LAMA5: variants seen among roughly 807,000 people sequenced by gnomAD.
The protein encoded by LAMA5 is laminin subunit alpha-5.
LAMA5 carries 260 observed loss-of-function variants against 433.4 expected under a neutral mutation model. The observed-to-expected ratio is 0.60, with a 90% CI of 0.54 to 0.66. The LOEUF (loss-of-function observed/expected upper bound fraction) is 0.66. Among genes scored for constraint, LAMA5 ranks in the 30% least tolerant of loss-of-function variants. The pLI, the probability that LAMA5 is intolerant of heterozygous loss-of-function variation, is 0.00. For missense variants in LAMA5, 5,378 were observed against 5,258.5 expected (o/e 1.02, Z -0.70); for synonymous variants, 2,620 against 2,226.6 (o/e 1.18, Z -4.97).
chr20:62,353,915 T>A (rs1984758043), intron 2 of LAMA5, among the ~76,000 whole-genome samples: 1 of 152,010 alleles, frequency 6.6e-6, no homozygotes, highest in Non-Finnish European at 1.5e-5. Flanking sequence ...CTGGGGGCCC[T>A]CTTGAAGCTG....
chr20:62,320,579 C>T lies in LAMA5; in HGVS notation c.6739G>A (p.Ala2247Thr), dbSNP rs749074775. The T allele has an allele frequency of 2.1e-5, 33 of 1,600,132 alleles. No individual in the cohort carries two copies. The East Asian group carries it at 5.4e-4, about 26-fold the overall frequency. ...EQQSTSLGQDARRLGGQAVGT... is the reference protein window; with the variant it reads ...EQQSTSLGQDTRRLGGQAVGT... Reference sequence around the variant, plus strand: ...CCTGCCTGGCCGCCTAGCCGCCGTGCGTCCTGCCCGAGGCTTGTGCTCTGC... The same window carrying T: ...CCTGCCTGGCCGCCTAGCCGCCGTGTGTCCTGCCCGAGGCTTGTGCTCTGC... The change falls in exon 50 of 80, where the codon GCA (alanine) becomes ACA (threonine). Residue 2247 changes from alanine (A) to threonine (T), a missense_variant. Physicochemically the swap from Ala to Thr is moderately conservative, Grantham distance 58. Transcript: ENST00000252999.
intron 20 of LAMA5, 137 bp from the exon 21 acceptor site, chr20:62,334,758 CGAGGGCGAGGGCGAGGG>C: frequency 2.9e-5 from 15 of 519,436 alleles, no homozygotes; most frequent in Non-Finnish European, 4.5e-5. Context: ...GGGCTCAGGG[CGAGGGCGAGGGCGAGGG>C]TGAGGGCGCT....
chr20:62,338,450 CGGGG>C lies in LAMA5; in HGVS notation c.1618+14_1618+17del. 1 of 1,606,710 alleles carries C rather than the reference CGGGG, an allele frequency of 6.2e-7. No individual in the cohort carries two copies. Among genetic ancestry groups the C allele is most frequent in the South Asian group, 1.1e-5 (1 of 89,900 alleles). On this transcript the variant is annotated intron_variant, in intron 12 of 79. Coordinates refer to ENST00000252999, the MANE Select transcript of LAMA5 (RefSeq NM_005560.6). ...ACCTCGAGCGCAGGTAGAGGTTGAG[CGGGG>C]AGAGGGGACTCACGCTGGCAGCCGG...
At chr20:62,328,671 C>G (rs182496314) in intron 34 of LAMA5, among the ~76,000 whole-genome samples, 173 bp downstream of exon 34, 1 of 152,340 alleles carries the variant, frequency 6.6e-6, no homozygotes, top group Non-Finnish European at 1.5e-5. Flanking sequence ...TCCCTGAAAC[C>G]TTCTGCATGG....
rs1480693643 is a variant in LAMA5 at position 62,310,202 on chromosome 20, C to T, written c.10710G>A (p.Leu3570=). 6.2e-7 allele frequency: 1 copy of T among 1,612,582 alleles called. No homozygotes were observed. Among genetic ancestry groups the T allele is most frequent in the Non-Finnish European group, 8.5e-7 (1 of 1,179,948 alleles). ...CTTGCTTCTCGGTCACCTGCAACTGCAAGTAGGGGGGCGTCCGGGCCTGGC... is the reference window on the plus strand; with the variant it reads ...CTTGCTTCTCGGTCACCTGCAACTGTAAGTAGGGGGGCGTCCGGGCCTGGC... ...HLGQARTPPY[L]QLQVTEKQVL... is the part of the protein sequence containing the mutation. The change falls in exon 77 of 80, where the codon TTG becomes TTA. Residue 3570 remains leucine (L), a synonymous_variant. Transcript: ENST00000252999.
Position 62,332,450 on chromosome 20 carries a change from G to A in LAMA5, c.3474C>T (p.Thr1158=). The stretch of plus-strand genomic sequence containing the variant: ...GGTGGAAGACAGCCAGGTGGTCCTG[G>A]GTATCCCGGGCAGTGCCCCGGCACA... ...STLCRGTARD[T]QDHLAVFHLD... is the part of the protein sequence containing the mutation. The change falls in exon 28 of 80, where the codon ACC becomes ACT. Residue 1158 remains threonine (T), a synonymous_variant. Transcript: ENST00000252999. The A allele has an allele frequency of 6.2e-7, 1 of 1,612,700 alleles. No individual in the cohort carries two copies. The highest frequency in any genetic ancestry group is 1.3e-5 in the African/African-American group (1 of 75,068).
chr20:62,309,131 A>C lies in LAMA5; in HGVS notation c.*205T>G. ...GATGATTGGTGACAAATCTCTCACA[A>C]TTAAAAATGGGTGGAAGGGCCAAAT... is the stretch of plus-strand genomic sequence containing the variant. On this transcript the variant is annotated 3_prime_UTR_variant, in exon 80 of 80. Transcript: ENST00000252999. The C allele has an allele frequency of 1.6e-6, 1 of 628,088 alleles. No individual in the cohort carries two copies. The highest frequency in any genetic ancestry group is 2.6e-6 in the Non-Finnish European group (1 of 380,260). 38.9% of individuals were successfully genotyped at this position (628,088 alleles called of 1,614,324 possible).
Position 62,320,545 on chromosome 20 carries a change from C to A in LAMA5, c.6759+14G>T. The A allele has an allele frequency of 6.4e-7, 1 of 1,573,766 alleles. No homozygotes were observed. Among genetic ancestry groups the A allele is most frequent in the Non-Finnish European group, 8.6e-7 (1 of 1,165,938 alleles). On this transcript the variant is annotated intron_variant, in intron 50 of 79. Coordinates refer to ENST00000252999, the MANE Select transcript of LAMA5 (RefSeq NM_005560.6). ...AAAGCCTCCCGGGGCCCTGGGGGGT[C>A]TTGGGGCTCCTGCCTGGCCGCCTAG...
intron 2 of LAMA5, among the ~76,000 whole-genome samples, chr20:62,355,744 C>T (rs1985110045): frequency 6.6e-6 from 1 of 151,368 alleles, no homozygotes; most frequent in Non-Finnish European, 1.5e-5. Flanking sequence ...ACCCGGGCCT[C>T]AGCAGCCCCC....
chr20:62,316,554 C>G (rs1433349232), intron 57 of LAMA5, 117 bp downstream of exon 57: 2 of 765,092 alleles, frequency 2.6e-6, no homozygotes, highest in Non-Finnish European at 4.0e-6. Context: ...TCTCCCACCC[C>G]AAACCATGCT....
chr20:62,314,479 G>C, intron 61 of LAMA5, 39 bp from the exon 62 acceptor site: 1 of 1,611,160 alleles, frequency 6.2e-7, no homozygotes, highest in Non-Finnish European at 8.5e-7. Flanking sequence ...ATGGGGACCG[G>C]GGACCAGGGA....
rs752194440 is a variant in LAMA5 at position 62,322,344 on chromosome 20, G to T, written c.6271C>A (p.Arg2091=). 2 of 1,596,170 alleles carry T rather than the reference G, an allele frequency of 1.3e-6. No homozygotes were observed. The highest frequency in any genetic ancestry group is 2.7e-5 in the African/African-American group (2 of 74,492). The part of the protein sequence containing the change: ...CHPQSGQCHC[R]PGTMGPQCRE... ...CACTGGGGTCCCATGGTCCCTGGTC[G>T]GCAGTGGCACTGTCCGCTCTGGGGG... The change falls in exon 47 of 80, where the codon CGA becomes AGA. Residue 2091 remains arginine, a synonymous_variant. Coordinates refer to ENST00000252999, the MANE Select transcript of LAMA5 (RefSeq NM_005560.6).
chr20:62,318,577 G>A lies in LAMA5; in HGVS notation c.7116C>T (p.Asp2372=), dbSNP rs1306262426. ...ENQALATQTR[D]RLAQHEAGLM... is the part of the protein sequence containing the mutation. ...GGCCGGCCTCGTGCTGGGCCAGCCG[G>A]TCGCGGGTTTGTGTGGCCAGTGCCT... is the stretch of plus-strand genomic sequence containing the variant. The change falls in exon 53 of 80, where the codon GAC becomes GAT. Residue 2372 remains aspartate (D), a synonymous_variant. Transcript: ENST00000252999. 2 of 1,610,666 alleles carry A rather than the reference G, an allele frequency of 1.2e-6. No individual in the cohort carries two copies. The highest frequency in any genetic ancestry group is 1.7e-6 in the Non-Finnish European group (2 of 1,179,052).
chr20:62,320,524 C>T, intron 50 of LAMA5, 35 bp downstream of exon 50: 2 of 1,509,418 alleles, frequency 1.3e-6, no homozygotes, highest in Non-Finnish European at 1.8e-6. Flanking sequence ...CAGGTGAAAG[C>T]CTCCCGGGGC....
chr20:62,337,017 C>T (rs944775335), intron 16 of LAMA5: 12 of 677,922 alleles, frequency 1.8e-5, no homozygotes, highest in African/African-American at 7.0e-5. Flanking sequence ...AAACGTGCAC[C>T]GCGTGGGGTA....
chr20:62,339,316 C>A (rs186784203), intron 11 of LAMA5, among the ~76,000 whole-genome samples: 62 of 129,152 alleles, frequency 4.8e-4, no homozygotes, highest in Admixed American at 3.2e-3. Flanking sequence ...GGGCTCACTG[C>A]AAGCTCTGCC....
chr20:62,327,878 C>A lies in LAMA5; in HGVS notation c.4785G>T (p.Gln1595His), dbSNP rs2146165855. 6.2e-7 allele frequency: 1 copy of A among 1,609,346 alleles called. No individual in the cohort carries two copies. The highest frequency in any genetic ancestry group is 8.5e-7 in the Non-Finnish European group (1 of 1,178,582). Residue 1595 changes from glutamine to histidine, a missense_variant, in exon 36 of 80, where the codon CAG becomes CAT. Transcript: ENST00000252999. Reference sequence around the variant, plus strand: ...AGCCCTCACTCACCTTACAGTAGCACTGCCCTGTGAGGGGGTCACACACGC... The same window carrying A: ...AGCCCTCACTCACCTTACAGTAGCAATGCCCTGTGAGGGGGTCACACACGC... ...APGVCDPLTG[Q>H]CYCKENVQGP... is the part of the protein sequence containing the mutation.
intron 28 of LAMA5, among the ~76,000 whole-genome samples, chr20:62,331,797 A>C (rs1980512980): frequency 6.6e-6 from 1 of 152,210 alleles, no homozygotes; most frequent in Admixed American, 6.5e-5. Context: ...CCTGTCTGTA[A>C]TCCCAGCATT....
intron 51 of LAMA5, 64 bp downstream of exon 51, chr20:62,319,620 C>T: frequency 3.2e-6 from 4 of 1,243,544 alleles, no homozygotes; most frequent in Admixed American, 2.1e-5. Flanking sequence ...GCCAGGCACC[C>T]CCACCCCTAC....
Sources: gnomAD v4.1 joint callset for allele counts (sites outside exome capture counted in the v4.1 genomes callset) on GRCh38, gnomAD v4.1.1 for gene constraint, MANE v1.5 for transcripts, NCBI Gene and HGNC (gene_info 2026-07-23, HGNC 2026-07-21) for gene names.